GPM6A: variants seen among roughly 807,000 people sequenced by gnomAD.
The protein encoded by GPM6A is neuronal membrane glycoprotein M6-a.
A neutral mutation model predicts 32.1 loss-of-function variants in GPM6A; 7 were observed. The observed-to-expected ratio is 0.22, with a 90% CI of 0.12 to 0.41. GPM6A has a LOEUF of 0.41. GPM6A is among the 10% of genes least tolerant of loss of function. The probability of loss-of-function intolerance (pLI) is 1.00; values close to 1 mark genes in which losing one functional copy is unlikely to be tolerated. For missense variants in GPM6A, 235 were observed against 347.2 expected (o/e 0.68, Z 2.57); for synonymous variants, 130 against 123.4 (o/e 1.05, Z -0.35).
chr4:175,701,480 T>A, intron 2 of GPM6A, 95 bp downstream of exon 2: 4 of 858,440 alleles, frequency 4.7e-6, no homozygotes, highest in Admixed American at 2.0e-5. Flanking sequence ...TTCATATATA[T>A]TATCACCTCA....
intron 1 of GPM6A, among the ~76,000 whole-genome samples, chr4:175,845,939 T>C (rs1372171855): frequency 1.3e-5 from 2 of 152,092 alleles, no homozygotes; most frequent in Non-Finnish European, 2.9e-5. Flanking sequence ...CCTTTTGTCA[T>C]ACTTAAAAGT....
In GPM6A at chr4:175,775,713, G is replaced by T. The variant is rs56143184; in HGVS notation, c.37+36478C>A. 2.0e-3 allele frequency among the ~76,000 whole-genome samples: 298 copies of T among 152,148 alleles called. 1 individual carries two copies. The highest frequency in any genetic ancestry group is 3.4e-3 in the Middle Eastern group (1 of 294). Reference sequence around the variant, plus strand: ...GAAGAAATCAGGAAAATTTCTGGTGGTATAAACAAGTCCACAAATTAATAT... The same window carrying T: ...GAAGAAATCAGGAAAATTTCTGGTGTTATAAACAAGTCCACAAATTAATAT... On this transcript the variant is annotated intron_variant, in intron 1 of 6. Transcript: ENST00000393658.
intron 1 of GPM6A, among the ~76,000 whole-genome samples, chr4:175,791,554 T>C (rs1734014034): frequency 6.6e-6 from 1 of 152,172 alleles, no homozygotes; most frequent in Non-Finnish European, 1.5e-5. Context: ...TTATAAAAGG[T>C]TAAATTTGCA....
upstream of GPM6A, among the ~76,000 whole-genome samples, chr4:175,815,718 C>CTTTTTTTTT (rs60711329): frequency 2.4e-5 from 3 of 127,080 alleles, no homozygotes; most frequent in Admixed American, 8.5e-5. Flanking sequence ...TTTTTCTTTT[C>CTTTTTTTTT]TTTTTTTTTT....
chr4:175,851,794 T>G (rs555389666), intron 1 of GPM6A, among the ~76,000 whole-genome samples: 1 of 152,338 alleles, frequency 6.6e-6, no homozygotes, highest in South Asian at 2.1e-4. Context: ...TGGTTTGCAG[T>G]TCAATAATGA....
chr4:175,821,159 T>C (rs759384810), intron 1 of GPM6A, among the ~76,000 whole-genome samples: 2 of 152,212 alleles, frequency 1.3e-5, no homozygotes, highest in African/African-American at 2.4e-5. Context: ...TAGTAATTTT[T>C]AAATGTTACC....
chr4:175,665,133 A>G (rs1742670909), intron 3 of GPM6A, among the ~76,000 whole-genome samples: 1 of 152,232 alleles, frequency 6.6e-6, no homozygotes, highest in Non-Finnish European at 1.5e-5. Flanking sequence ...CACTGTAATT[A>G]AAATGTCCTG....
chr4:175,817,007 C>T (rs1293045414), upstream of GPM6A, among the ~76,000 whole-genome samples: 3 of 152,120 alleles, frequency 2.0e-5, no homozygotes, highest in Non-Finnish European at 2.9e-5. Context: ...CTACACCCCG[C>T]CACCACGCCC....
chr4:175,952,830 G>A (rs962492088), intron 1 of GPM6A, among the ~76,000 whole-genome samples: 9 of 152,024 alleles, frequency 5.9e-5, no homozygotes, highest in Non-Finnish European at 1.0e-4. Context: ...AGGATCCCTT[G>A]AGCCCCACAG....
At chr4:175,896,643 T>C (rs1320741439) in intron 1 of GPM6A, among the ~76,000 whole-genome samples, 2 of 152,190 alleles carry the variant, frequency 1.3e-5, no homozygotes, top group Non-Finnish European at 2.9e-5. Flanking sequence ...TTCTGTCTTC[T>C]GCTTCTGTTT....
chr4:175,666,591 AG>A (rs1292038493), intron 3 of GPM6A, among the ~76,000 whole-genome samples: 1 of 152,238 alleles, frequency 6.6e-6, no homozygotes, highest in Non-Finnish European at 1.5e-5. Flanking sequence ...GTTCTTTAAA[AG>A]ACCATTAATA....
chr4:175,710,514 G>T (rs530719775), intron 1 of GPM6A, among the ~76,000 whole-genome samples: 1 of 150,810 alleles, frequency 6.6e-6, no homozygotes, highest in Admixed American at 6.6e-5. Context: ...TCTTCTGTAT[G>T]TTATCTGTTT....
intron 1 of GPM6A, among the ~76,000 whole-genome samples, chr4:175,757,761 C>A (rs1279211194): frequency 2.6e-5 from 4 of 152,042 alleles, no homozygotes; most frequent in Non-Finnish European, 5.9e-5. Context: ...GAAAGCATTA[C>A]CACGAGACCA....
chr4:175,758,376 CTT>C (rs1732612574), intron 1 of GPM6A, among the ~76,000 whole-genome samples: 1 of 152,022 alleles, frequency 6.6e-6, no homozygotes, highest in Non-Finnish European at 1.5e-5. Flanking sequence ...TGGATAACAA[CTT>C]TTAAGACATC....
intron 1 of GPM6A, among the ~76,000 whole-genome samples, chr4:175,917,828 G>C (rs1486776046): frequency 7.1e-6 from 1 of 141,596 alleles, no homozygotes. Flanking sequence ...AAACACTAGA[G>C]AGACAACAAT....
chr4:175,979,385 T>C (rs895197175), intron 1 of GPM6A, among the ~76,000 whole-genome samples: 36 of 152,210 alleles, frequency 2.4e-4, no homozygotes, highest in African/African-American at 8.0e-4. Flanking sequence ...TTCAGCAGCC[T>C]ATTACTAAAG....
intron 1 of GPM6A, among the ~76,000 whole-genome samples, chr4:175,817,889 T>TGAA (rs1326101070): frequency 6.6e-6 from 1 of 152,204 alleles, no homozygotes; most frequent in South Asian, 2.1e-4. Flanking sequence ...TTTAGAGTAC[T>TGAA]GAAGAAGAAG....
intron 1 of GPM6A, among the ~76,000 whole-genome samples, chr4:175,776,940 T>C (rs1246849742): frequency 1.3e-5 from 2 of 152,192 alleles, no homozygotes; most frequent in Admixed American, 6.6e-5. Context: ...CAGCAAGCCC[T>C]GTATAAAGAA....
chr4:175,858,973 G>A (rs983134036), intron 1 of GPM6A, among the ~76,000 whole-genome samples: 1 of 152,124 alleles, frequency 6.6e-6, no homozygotes, highest in Non-Finnish European at 1.5e-5. Context: ...GCAAAAAAGG[G>A]TACATACTGT....
Sources: gnomAD v4.1 joint callset for allele counts (sites outside exome capture counted in the v4.1 genomes callset) on GRCh38, gnomAD v4.1.1 for gene constraint, MANE v1.5 for transcripts, NCBI Gene and HGNC (gene_info 2026-07-23, HGNC 2026-07-21) for gene names.